FBN2: variants seen among roughly 807,000 people sequenced by gnomAD.
The protein encoded by FBN2 is fibrillin-2.
FBN2 carries 105 observed loss-of-function variants against 355.6 expected under a neutral mutation model. The observed-to-expected ratio is 0.30, with a 90% CI of 0.25 to 0.35. The LOEUF (loss-of-function observed/expected upper bound fraction) is 0.35. Ranked by LOEUF, FBN2 falls within the 10% of genes least tolerant of loss-of-function variation. FBN2 has a pLI of 1.00. For missense variants in FBN2, 3,280 were observed against 3,758.7 expected (o/e 0.87, Z 3.33); for synonymous variants, 1,350 against 1,301.2 (o/e 1.04, Z -0.81).
chr5:128,274,102 C>T, intron 60 of FBN2, 134 bp from the exon 61 acceptor site: 1 of 937,582 alleles, frequency 1.1e-6, no homozygotes, highest in Admixed American at 2.0e-5. Flanking sequence ...AAATTTATAC[C>T]AAAATTCACT....
At chr5:128,369,610 T>C (rs2126947973) in intron 15 of FBN2, among the ~76,000 whole-genome samples, 1 of 152,330 alleles carries the variant, frequency 6.6e-6, no homozygotes, top group African/African-American at 2.4e-5. Flanking sequence ...TTACAAACCT[T>C]TTGTGAAACC....
chr5:128,323,069 T>C (rs183237256), intron 34 of FBN2, among the ~76,000 whole-genome samples: 15 of 151,164 alleles, frequency 9.9e-5, no homozygotes, highest in Admixed American at 4.6e-4. Context: ...TTGGCTATTA[T>C]TGGTGTATAG....
chr5:128,353,178 A>T (rs1751414002), intron 20 of FBN2, among the ~76,000 whole-genome samples: 1 of 152,144 alleles, frequency 6.6e-6, no homozygotes, highest in East Asian at 1.9e-4. Flanking sequence ...CCAAAAAAAA[A>T]AAAAAGTTTT....
intron 34 of FBN2, among the ~76,000 whole-genome samples, chr5:128,327,851 T>A (rs1750597371): frequency 6.6e-6 from 1 of 152,164 alleles, no homozygotes; most frequent in African/African-American, 2.4e-5. Flanking sequence ...TTGTTCAGGC[T>A]GGTCTTGAAC....
In FBN2 at chr5:128,352,115, C is replaced by G. The variant is rs112864471; in HGVS notation, c.2675-1110G>C. Among the ~76,000 whole-genome samples the G allele has an allele frequency of 8.5e-4, 130 of 152,200 alleles. 2 individuals are homozygous for G. Among genetic ancestry groups the G allele is most frequent in the Middle Eastern group, 6.8e-3 (2 of 294 alleles). ...GATGAATAATTTAAAAGAAAAAGCCCTATAAAACGAAGAAGGAATAAACAT... is the reference window on the plus strand; with the variant it reads ...GATGAATAATTTAAAAGAAAAAGCCGTATAAAACGAAGAAGGAATAAACAT... On this transcript the variant is annotated intron_variant, in intron 20 of 64. Transcript: ENST00000262464.
At chr5:128,287,653 C>T (rs774931568) in intron 53 of FBN2, among the ~76,000 whole-genome samples, 1 of 152,160 alleles carries the variant, frequency 6.6e-6, no homozygotes, top group Non-Finnish European at 1.5e-5. Flanking sequence ...TAGTGGTGAG[C>T]TGAAACTCAG....
At chr5:128,443,346 T>A (rs544013434) in intron 7 of FBN2, among the ~76,000 whole-genome samples, 1 of 152,344 alleles carries the variant, frequency 6.6e-6, no homozygotes, top group Non-Finnish European at 1.5e-5. Flanking sequence ...ACCCACATTT[T>A]ACCTTCCATT....
intron 41 of FBN2, among the ~76,000 whole-genome samples, chr5:128,307,795 T>C (rs1045656976): frequency 6.6e-6 from 1 of 151,910 alleles, no homozygotes; most frequent in Non-Finnish European, 1.5e-5. Context: ...CAATGGAAAT[T>C]TAAAAGAATT....
At chr5:128,397,392 T>C (rs1313859091) in intron 8 of FBN2, among the ~76,000 whole-genome samples, 7 of 152,206 alleles carry the variant, frequency 4.6e-5, no homozygotes, top group Non-Finnish European at 1.0e-4. Flanking sequence ...AATATATTTA[T>C]CTCTTCAAGG....
chr5:128,423,995 G>A (rs759719030), intron 7 of FBN2, among the ~76,000 whole-genome samples: 1 of 152,168 alleles, frequency 6.6e-6, no homozygotes, highest in African/African-American at 2.4e-5. Context: ...TTGGGAAAGA[G>A]AATGAATAAT....
intron 55 of FBN2, among the ~76,000 whole-genome samples, chr5:128,285,864 C>T (rs2126815877): frequency 6.6e-6 from 1 of 152,262 alleles, no homozygotes; most frequent in East Asian, 1.9e-4. Flanking sequence ...AATTAAAACA[C>T]ATTTTTAAGT....
intron 7 of FBN2, among the ~76,000 whole-genome samples, chr5:128,437,880 A>T (rs1174058259): frequency 1.3e-5 from 2 of 152,218 alleles, no homozygotes; most frequent in East Asian, 3.8e-4. Flanking sequence ...AAAGCATCAT[A>T]AAAAAGAAAA....
At chr5:128,488,854 T>A (rs978199135) in intron 5 of FBN2, among the ~76,000 whole-genome samples, 6 of 152,008 alleles carry the variant, frequency 3.9e-5, no homozygotes, top group African/African-American at 1.5e-4. Context: ...GGCTGCATGG[T>A]ATTCCATGGT....
chr5:128,439,307 A>G (rs898519992), intron 7 of FBN2, among the ~76,000 whole-genome samples: 5 of 152,158 alleles, frequency 3.3e-5, no homozygotes, highest in Non-Finnish European at 5.9e-5. Context: ...ATTTTGATAG[A>G]TATTTCTAAA....
intron 7 of FBN2, among the ~76,000 whole-genome samples, chr5:128,418,516 G>A (rs1305840298): frequency 2.0e-5 from 3 of 151,984 alleles, no homozygotes; most frequent in African/African-American, 7.2e-5. Context: ...TACTTTTGTT[G>A]TATAACATAG....
chr5:128,337,370 C>G (rs949116952), intron 27 of FBN2, among the ~76,000 whole-genome samples: 3 of 152,184 alleles, frequency 2.0e-5, no homozygotes, highest in Admixed American at 2.0e-4. Context: ...AGAAAGAGTT[C>G]CTATGAAGAA....
At chr5:128,459,459 A>G (rs1561467515) in intron 6 of FBN2, among the ~76,000 whole-genome samples, 1 of 152,174 alleles carries the variant, frequency 6.6e-6, no homozygotes, top group Non-Finnish European at 1.5e-5. Context: ...TTATGAAGCC[A>G]GAATCATCCT....
At position 128,286,784 on chromosome 5, in the gene FBN2, T is replaced by A. The variant is rs201220519; in HGVS notation, c.6946A>T (p.Ile2316Phe). 702 of 1,613,912 alleles carry A rather than the reference T, an allele frequency of 4.3e-4. No individual in the cohort carries two copies. The highest frequency in any genetic ancestry group is 5.7e-4 in the Non-Finnish European group (673 of 1,179,872). The stretch of plus-strand genomic sequence containing the variant: ...GGGCAGATGCACATGAAGGTGCCGA[T>A]TAGATTCTTACACATCATGCCCCTA... ...ESRGMMCKNL[I>F]GTFMCICPPG... The change falls in exon 55 of 65, where the codon ATC becomes TTC. Residue 2316 changes from isoleucine (I) to phenylalanine (F), a missense_variant. By Grantham distance (21) the Ile-to-Phe change is conservative. This residue lies in a region of FBN2 where 2,284 missense variants were observed against 2,749.5 expected (regional missense o/e 0.83). Transcript: ENST00000262464.
At chr5:128,446,751 T>G in intron 6 of FBN2, 145 bp from the exon 7 acceptor site, 1 of 676,748 alleles carries the variant, frequency 1.5e-6, no homozygotes, top group Admixed American at 2.5e-5. Context: ...TAAAACACCT[T>G]TGTATGCATA....
Sources: allele counts gnomAD v4.1 joint callset (sites outside exome capture counted in the v4.1 genomes callset), GRCh38; gene constraint gnomAD v4.1.1; regional missense constraint gnomAD v4.1.1; transcripts MANE v1.5; gene names NCBI Gene and HGNC (gene_info 2026-07-23, HGNC 2026-07-21).